The following PNPLA7 variants were observed in gnomAD, a reference collection of about 807,000 sequenced individuals.
PNPLA7 encodes patatin like domain 7, lysophospholipase, also known as patatin-like phospholipase domain-containing protein 7.
Under a neutral mutation model 161.7 loss-of-function variants are expected in PNPLA7, and 153 were observed. That is an observed-to-expected ratio of 0.95 (90% CI 0.83 to 1.08). The LOEUF is 1.08. Among genes scored for constraint, PNPLA7 ranks in the 50% least tolerant of loss-of-function variants. The probability of loss-of-function intolerance (pLI) is 0.00; values close to 1 mark genes in which losing one functional copy is unlikely to be tolerated. For synonymous variants in PNPLA7, 809 were observed against 782.1 expected, an observed-to-expected ratio of 1.03 and a Z score of -0.57; for missense variants, 1,739 against 1,856.6, an observed-to-expected ratio of 0.94 and a Z score of 1.16.
chr9:137,481,494 C>T (rs561897304), intron 21 of PNPLA7, among the ~76,000 whole-genome samples: 1 of 152,308 alleles, frequency 6.6e-6, no homozygotes, highest in Non-Finnish European at 1.5e-5. Context: ...GCACGGCTGT[C>T]AGGGCCCTTC....
rs1174118254 is a variant in PNPLA7, at chr9:137,537,918, T to C, written c.747+2724A>G. ...AACGAATCATCCAAGGTAGGTCGCA[T>C]ACAGATGCCCCGTGCTGAACGGGTT... On this transcript the variant is annotated intron_variant, in intron 8 of 34. Coordinates refer to ENST00000406427, the MANE Select transcript of PNPLA7 (RefSeq NM_001098537.3). The surrounding 1 kb of genome is among the most constrained non-coding windows in gnomAD (Gnocchi z 4.5). Among the ~76,000 whole-genome samples the C allele has an allele frequency of 6.6e-6, 1 of 152,220 alleles. No homozygotes were observed. Among genetic ancestry groups the C allele is most frequent in the Non-Finnish European group, 1.5e-5 (1 of 68,038 alleles).
chr9:137,505,865 G>A, intron 13 of PNPLA7, 105 bp from the exon 14 acceptor site: 2 of 1,531,124 alleles, frequency 1.3e-6, no homozygotes, highest in Non-Finnish European at 1.8e-6. Context: ...GGCCGGCTGA[G>A]CCTCCTGAAG....
rs1041379198 is a variant in PNPLA7 at position 137,501,631 on chromosome 9, C to G, written c.1551+19G>C. The G allele has an allele frequency of 3.1e-6, 5 of 1,609,622 alleles. No homozygotes were observed. Among genetic ancestry groups the G allele is most frequent in the Non-Finnish European group, 3.4e-6 (4 of 1,178,460 alleles). ...TGGCATTGGGTGGTCCCAGTGCCCCCCCCCAGACCCCCGCTCACCTGGTCT... is the reference window on the plus strand; with the variant it reads ...TGGCATTGGGTGGTCCCAGTGCCCCGCCCCAGACCCCCGCTCACCTGGTCT... On this transcript the variant is annotated intron_variant, in intron 15 of 34. Transcript: ENST00000406427.
At chr9:137,535,820 A>G (rs1195972737) in intron 8 of PNPLA7, among the ~76,000 whole-genome samples, 1 of 151,902 alleles carries the variant, frequency 6.6e-6, no homozygotes, top group Admixed American at 6.6e-5. Flanking sequence ...TAAAAATTCA[A>G]TGGAAGATTT....
At chr9:137,493,135 G>A in intron 19 of PNPLA7, 53 bp from the exon 20 acceptor site, 1 of 1,571,894 alleles carries the variant, frequency 6.4e-7, no homozygotes, top group Non-Finnish European at 8.8e-7. Flanking sequence ...GAGAAACACT[G>A]GGAACCAAAG....
At chr9:137,516,523 T>A in intron 11 of PNPLA7, 2 of 985,296 alleles carry the variant, frequency 2.0e-6, no homozygotes, top group Non-Finnish European at 2.4e-6. Flanking sequence ...AAAATACACT[T>A]TGAGGCCAGG....
At position 137,495,070 on chromosome 9, in the gene PNPLA7, G is replaced by C; in HGVS notation, c.2090C>G (p.Ala697Gly). 1 of 1,610,426 alleles carries C rather than the reference G, an allele frequency of 6.2e-7. No individual in the cohort carries two copies. The highest frequency in any genetic ancestry group is 8.5e-7 in the Non-Finnish European group (1 of 1,179,514). The stretch of plus-strand genomic sequence containing the variant: ...GCGCTTGATGGACGTGAGGGCTCCT[G>C]CCGGCAGCTTGGCCAATTCTGAGTC... ...VRDSELAKLP[A>G]GALTSIKRRY... Residue 697 changes from alanine to glycine, a missense_variant, in exon 19 of 35, where the codon GCA becomes GGA. Transcript: ENST00000406427.
rs1161526795 is a variant in PNPLA7 at position 137,468,543 on chromosome 9, C to T, written c.2883-1070G>A. On this transcript the variant is annotated intron_variant, in intron 25 of 34. Transcript: ENST00000406427. The surrounding 1 kb of genome is among the most constrained non-coding windows in gnomAD (Gnocchi z 4.0). The stretch of plus-strand genomic sequence containing the variant: ...ATGCAAGCCACAGCTGGGGGGGACC[C>T]TGGAGGCATTTGCTGTGGTTTAGCT... 6.6e-6 allele frequency among the ~76,000 whole-genome samples: 1 copy of T among 152,088 alleles called. No individual in the cohort carries two copies. The highest frequency in any genetic ancestry group is 1.5e-5 in the Non-Finnish European group (1 of 68,018).
In PNPLA7 at chr9:137,484,487, C is replaced by G; in HGVS notation, c.2347+100G>C. ...ACTGACCCCAACTGAGCCCTGCCCACCCACCGCCGCGTCCCCTCGAAGACA... is the reference window on the plus strand; with the variant it reads ...ACTGACCCCAACTGAGCCCTGCCCAGCCACCGCCGCGTCCCCTCGAAGACA... On this transcript the variant is annotated intron_variant, in intron 21 of 34. Transcript: ENST00000406427. 3 of 1,334,882 alleles carry G rather than the reference C, an allele frequency of 2.2e-6. No individual in the cohort carries two copies. The South Asian group carries it at 5.2e-5, about 23-fold the overall frequency. The allele number at this position is 1,334,882 out of a possible 1,614,324, so 82.7% of individuals were successfully genotyped here.
intron 13 of PNPLA7, 81 bp from the exon 14 acceptor site, chr9:137,505,841 G>C: frequency 6.4e-7 from 1 of 1,569,418 alleles, no homozygotes; most frequent in Non-Finnish European, 8.7e-7. Context: ...GGTCTGAATC[G>C]CACAGTGCGG....
chr9:137,490,931 C>T lies in PNPLA7; in HGVS notation c.2197+2082G>A, dbSNP rs1312040895. 6.6e-6 allele frequency among the ~76,000 whole-genome samples: 1 copy of T among 152,158 alleles called. No homozygotes were observed. Among genetic ancestry groups the T allele is most frequent in the African/African-American group, 2.4e-5 (1 of 41,426 alleles). The stretch of plus-strand genomic sequence containing the variant: ...AAGTGACTGAACAATGGTGAGCTCT[C>T]CACATTCCACTTAAAGTGCTGAGAT... On this transcript the variant is annotated intron_variant, in intron 20 of 34. Transcript: ENST00000406427. The surrounding 1 kb of genome is among the most constrained non-coding windows in gnomAD (Gnocchi z 4.1).
intron 20 of PNPLA7, among the ~76,000 whole-genome samples, chr9:137,488,127 G>A (rs906547067): frequency 6.6e-6 from 1 of 152,248 alleles, no homozygotes; most frequent in African/African-American, 2.4e-5. Context: ...GCTTCGGCCT[G>A]AACGCTGCTC....
At position 137,500,565 on chromosome 9, in the gene PNPLA7, C is replaced by A; in HGVS notation, c.1757+126G>T. 1.1e-6 allele frequency: 1 copy of A among 914,794 alleles called. No individual in the cohort carries two copies. The highest frequency in any genetic ancestry group is 1.6e-6 in the Non-Finnish European group (1 of 610,548). The allele number at this position is 914,794 out of a possible 1,614,324, so 56.7% of individuals were successfully genotyped here. On this transcript the variant is annotated intron_variant, in intron 16 of 34. Coordinates refer to ENST00000406427, the MANE Select transcript of PNPLA7 (RefSeq NM_001098537.3). This position sits in a 1 kb window ranked among gnomAD's most constrained non-coding sequence, Gnocchi z 5.5. ...CCTGGGCCCACACAGGTGCCGGGGA[C>A]AAAGAGGGGAGCCCGAGAAGCAGGG...
At chr9:137,463,238 C>T (rs1170268501) in intron 29 of PNPLA7, 177 bp downstream of exon 29, 4 of 631,514 alleles carry the variant, frequency 6.3e-6, no homozygotes, top group Non-Finnish European at 1.1e-5. Flanking sequence ...TGCATGTACA[C>T]GCGTGTGCAT....
chr9:137,503,968 A>C (rs1286392282), intron 14 of PNPLA7, among the ~76,000 whole-genome samples: 1 of 108,722 alleles, frequency 9.2e-6, no homozygotes, highest in Admixed American at 9.2e-5. Context: ...GGAAGAAGGA[A>C]GAAGAAGAAG....
rs1835141575 is a variant in PNPLA7 at position 137,523,526 on chromosome 9, T to A, written c.748-669A>T. On this transcript the variant is annotated intron_variant, in intron 8 of 34. Transcript: ENST00000406427. This position sits in a 1 kb window ranked among gnomAD's most constrained non-coding sequence, Gnocchi z 4.4. ...CTAGAGAGAAAAGGCTGTTTTTAAA[T>A]CACGCTGTGATCTGCATGCAGGCAG... Among the ~76,000 whole-genome samples the A allele has an allele frequency of 6.6e-6, 1 of 152,128 alleles. No homozygotes were observed. The highest frequency in any genetic ancestry group is 2.4e-5 in the African/African-American group (1 of 41,422).
chr9:137,506,677 C>G (rs1421554128), intron 12 of PNPLA7, among the ~76,000 whole-genome samples: 1 of 152,188 alleles, frequency 6.6e-6, no homozygotes, highest in Admixed American at 6.5e-5. Flanking sequence ...TTTGGGCGGC[C>G]TCGGGCTGAG....
Position 137,460,748 on chromosome 9 carries a change from G to C in PNPLA7, c.3842-11C>G. ...GGTAGTCAGATTCGTCTGGCACCGA[G>C]GGTAGGGCTGCGTCAGTCCCCTCCC... is the stretch of plus-strand genomic sequence containing the variant. On this transcript the variant is annotated splice_polypyrimidine_tract_variant and intron_variant, in intron 33 of 34. Coordinates refer to ENST00000406427, the MANE Select transcript of PNPLA7 (RefSeq NM_001098537.3). 6.2e-7 allele frequency: 1 copy of C among 1,609,658 alleles called. No individual in the cohort carries two copies. The highest frequency in any genetic ancestry group is 8.5e-7 in the Non-Finnish European group (1 of 1,177,800).
chr9:137,495,445 CTT>C (rs149226547), intron 18 of PNPLA7, among the ~76,000 whole-genome samples: 3 of 147,738 alleles, frequency 2.0e-5, no homozygotes, highest in Admixed American at 6.7e-5. Flanking sequence ...GAGAACACCT[CTT>C]TTTTTTTTTT....
Sources: allele counts gnomAD v4.1 joint callset (sites outside exome capture counted in the v4.1 genomes callset), GRCh38; gene constraint gnomAD v4.1.1; non-coding constraint Gnocchi (gnomAD v3.1); transcripts MANE v1.5; gene names NCBI Gene and HGNC (gene_info 2026-07-23, HGNC 2026-07-21).